The following WNT3 variants were observed in gnomAD, a reference collection of about 807,000 sequenced individuals.
WNT3 encodes the protein Wnt family member 3, also known as proto-oncogene Wnt-3.
WNT3 carries 7 observed loss-of-function variants against 34.2 expected under a neutral mutation model. The ratio of observed to expected loss-of-function variants is 0.20; its 90% CI spans 0.12 to 0.38. The LOEUF (loss-of-function observed/expected upper bound fraction) is 0.38. Ranked by LOEUF, WNT3 falls within the 10% of genes least tolerant of loss-of-function variation. WNT3 has a pLI of 1.00. For synonymous variants in WNT3, 212 were observed against 211.5 expected, an observed-to-expected ratio of 1.00 and a Z score of -0.02; for missense variants, 267 against 499.8, an observed-to-expected ratio of 0.53 and a Z score of 4.44.
chr17:46,767,685 G>T (rs1457670891), intron 4 of WNT3, among the ~76,000 whole-genome samples: 1 of 152,206 alleles, frequency 6.6e-6, no homozygotes, highest in Non-Finnish European at 1.5e-5. Context: ...ACAGCTAGCA[G>T]CTATGCAAAA....
At chr17:46,764,950 C>T (rs1424989337) in intron 4 of WNT3, among the ~76,000 whole-genome samples, 1 of 152,230 alleles carries the variant, frequency 6.6e-6, no homozygotes, top group Non-Finnish European at 1.5e-5. Flanking sequence ...TGGCCGAGGG[C>T]CCAGTCCCCA....
chr17:46,779,053 T>TCACACACATA (rs2059435443), intron 1 of WNT3, among the ~76,000 whole-genome samples: 1 of 100,612 alleles, frequency 9.9e-6, no homozygotes, highest in African/African-American at 4.5e-5. Flanking sequence ...CCCTACCCCA[T>TCACACACATA]CACACACACA....
chr17:46,788,792 C>T (rs2083941170), intron 1 of WNT3, among the ~76,000 whole-genome samples: 1 of 152,200 alleles, frequency 6.6e-6, no homozygotes. Flanking sequence ...CCTCAGCAGC[C>T]CCACTGAGTG....
intron 1 of WNT3, among the ~76,000 whole-genome samples, chr17:46,801,606 C>A (rs2084126531): frequency 7.5e-6 from 1 of 132,492 alleles, no homozygotes; most frequent in African/African-American, 2.9e-5. Flanking sequence ...GGCAACAGAG[C>A]GAGACTCTAT....
intron 1 of WNT3, among the ~76,000 whole-genome samples, chr17:46,805,570 G>A (rs1233834180): frequency 2.0e-5 from 3 of 152,038 alleles, no homozygotes; most frequent in Non-Finnish European, 2.9e-5. Context: ...TGAAAACTCT[G>A]TCTCAAAAAT....
intron 1 of WNT3, among the ~76,000 whole-genome samples, chr17:46,814,026 A>C (rs976730906): frequency 1.3e-5 from 2 of 152,154 alleles, no homozygotes; most frequent in Non-Finnish European, 2.9e-5. Context: ...CTCCTAAAGG[A>C]CTTGGCACCA....
chr17:46,786,047 T>G (rs199500), intron 1 of WNT3, among the ~76,000 whole-genome samples: 16 of 147,224 alleles, frequency 1.1e-4, no homozygotes, highest in Admixed American at 2.8e-4. Flanking sequence ...GTGCTTTTTC[T>G]TTCTTTCTTA....
intron 4 of WNT3, among the ~76,000 whole-genome samples, chr17:46,765,508 G>A (rs969761757): frequency 3.3e-5 from 5 of 152,372 alleles, no homozygotes; most frequent in East Asian, 1.9e-4. Flanking sequence ...TCTCCTCACC[G>A]TGTGGAGGGC....
At chr17:46,802,896 C>A (rs1437007884) in intron 1 of WNT3, among the ~76,000 whole-genome samples, 1 of 152,124 alleles carries the variant, frequency 6.6e-6, no homozygotes, top group East Asian at 1.9e-4. Context: ...GTTCTGCGAG[C>A]CACTCTAGCA....
chr17:46,789,632 A>T (rs2083954950), intron 1 of WNT3, among the ~76,000 whole-genome samples: 1 of 152,192 alleles, frequency 6.6e-6, no homozygotes, highest in Non-Finnish European at 1.5e-5. Context: ...AAACCAAATG[A>T]CACCATGGGG....
intron 1 of WNT3, among the ~76,000 whole-genome samples, chr17:46,794,400 C>G (rs2084026021): frequency 6.6e-6 from 1 of 152,190 alleles, no homozygotes; most frequent in Admixed American, 6.5e-5. Flanking sequence ...GATCCCCCGA[C>G]AGGACCTGTC....
intron 1 of WNT3, among the ~76,000 whole-genome samples, chr17:46,807,151 A>T (rs1290264075): frequency 6.6e-6 from 1 of 152,182 alleles, no homozygotes; most frequent in Non-Finnish European, 1.5e-5. Context: ...CTCTGAAGAC[A>T]AGACCTTTGT....
intron 1 of WNT3, among the ~76,000 whole-genome samples, chr17:46,806,717 G>A (rs1281394688): frequency 6.6e-6 from 1 of 152,244 alleles, no homozygotes; most frequent in Admixed American, 6.5e-5. Flanking sequence ...GGGACTGGGT[G>A]GGGTGACCTG....
At chr17:46,787,751 C>T (rs147837638) in intron 1 of WNT3, among the ~76,000 whole-genome samples, 74 of 152,292 alleles carry the variant, frequency 4.9e-4, no homozygotes, top group East Asian at 3.7e-3. Context: ...GTCAGGAGTT[C>T]GAGACCAGCC....
At chr17:46,767,304 C>T (rs2059322215) in intron 4 of WNT3, among the ~76,000 whole-genome samples, 1 of 152,144 alleles carries the variant, frequency 6.6e-6, no homozygotes, top group South Asian at 2.1e-4. Context: ...TCCTGCTCCC[C>T]GTCATCATCC....
chr17:46,799,550 C>T (rs1156464089), intron 1 of WNT3, among the ~76,000 whole-genome samples: 2 of 150,972 alleles, frequency 1.3e-5, no homozygotes, highest in African/African-American at 2.4e-5. Context: ...CAGGTTCAAG[C>T]GATTCTCCCA....
intron 1 of WNT3, among the ~76,000 whole-genome samples, chr17:46,803,277 T>A (rs1323453103): frequency 1.3e-5 from 2 of 152,352 alleles, no homozygotes; most frequent in African/African-American, 4.8e-5. Context: ...CTCACACCTG[T>A]AATCCCAGCA....
chr17:46,792,248 C>T (rs1214863388), intron 1 of WNT3, among the ~76,000 whole-genome samples: 9 of 152,186 alleles, frequency 5.9e-5, no homozygotes, highest in Non-Finnish European at 1.3e-4. Context: ...AGGAGGTGTC[C>T]TCCAGAGGGG....
At chr17:46,772,030 G>A (rs1301625603) in intron 2 of WNT3, among the ~76,000 whole-genome samples, 2 of 151,766 alleles carry the variant, frequency 1.3e-5, no homozygotes, top group East Asian at 1.9e-4. Context: ...CTGCGCCCCG[G>A]GTCTCAAAGC....
Sources: gnomAD v4.1 joint callset for allele counts (sites outside exome capture counted in the v4.1 genomes callset) on GRCh38, gnomAD v4.1.1 for gene constraint, MANE v1.5 for transcripts, NCBI Gene and HGNC (gene_info 2026-07-23, HGNC 2026-07-21) for gene names.